Variants in MUC5B observed in about 807,000 individuals in gnomAD.
The protein encoded by MUC5B is mucin-5B.
In MUC5B, 116 loss-of-function variants were observed where a neutral mutation model predicts 376.9. That is an observed-to-expected ratio of 0.31 (90% CI 0.26 to 0.36). The LOEUF (loss-of-function observed/expected upper bound fraction) is 0.36, where lower values mean the gene tolerates loss of function less well. MUC5B is among the 10% of genes least tolerant of loss of function. MUC5B has a pLI of 1.00. For synonymous variants in MUC5B, 3,517 were observed against 3,390.9 expected, an observed-to-expected ratio of 1.04 and a Z score of -1.29; for missense variants, 7,165 against 7,769.9, an observed-to-expected ratio of 0.92 and a Z score of 2.93.
chr11:1,231,430 C>T lies in MUC5B; in HGVS notation c.1548C>T (p.Ile516=), dbSNP rs1195498625. 1.2e-6 allele frequency: 2 copies of T among 1,610,480 alleles called. No individual in the cohort carries two copies. The highest frequency in any genetic ancestry group is 8.5e-7 in the Non-Finnish European group (1 of 1,178,640). ...YTQLPLSAAN[I]TLFTPSSFFI... ...CCCCCACACTCCCGGCAGCCAACAT[C>T]ACCCTGTTCACACCCTCGAGCTTCT... The change falls in exon 14 of 49, where the codon ATC becomes ATT. Residue 516 remains isoleucine (I), a synonymous_variant. Transcript: ENST00000529681.
rs1372505531 is a variant in MUC5B at position 1,257,538 on chromosome 11, G to T, written c.16278G>T (p.Glu5426Asp). 6.2e-7 allele frequency: 1 copy of T among 1,608,490 alleles called. No individual in the cohort carries two copies. The highest frequency in any genetic ancestry group is 2.2e-5 in the East Asian group (1 of 44,844). Residue 5426 changes from glutamate (E) to aspartate (D), a missense_variant, in exon 41 of 49, where the codon GAG becomes GAT. Coordinates refer to ENST00000529681, the MANE Select transcript of MUC5B (RefSeq NM_002458.3). This position sits in a 1 kb window ranked among gnomAD's most constrained non-coding sequence, Gnocchi z 8.9. ...GPDGFPKFPG[E>D]RWVSNCQSCV... is the part of the protein sequence containing the mutation. ...CCCTTGATCCATTCCAGCCCGGGGA[G>T]CGGTGGGTCAGCAACTGCCAGTCCT...
rs767108519 is a variant in MUC5B, at chr11:1,241,161, C to T, written c.4281C>T (p.Cys1427=). The T allele has an allele frequency of 4.3e-5, 69 of 1,603,886 alleles. 2 individuals are homozygous for T. Among genetic ancestry groups the T allele is most frequent in the South Asian group, 3.6e-4 (32 of 89,520 alleles). Residue 1427 remains cysteine (C), a synonymous_variant, in exon 31 of 49, where the codon TGC becomes TGT. Coordinates refer to ENST00000529681, the MANE Select transcript of MUC5B (RefSeq NM_002458.3). ...CHDYELRVLC[C]EYVPCGPSPA... ...ACTACGAGCTGCGGGTTCTCTGCTGCGAATACGTGCCCTGTGGCCCCTCCC... is the reference window on the plus strand; with the variant it reads ...ACTACGAGCTGCGGGTTCTCTGCTGTGAATACGTGCCCTGTGGCCCCTCCC...
chr11:1,226,329 A>C, intron 3 of MUC5B, 53 bp downstream of exon 3: 1 of 1,537,932 alleles, frequency 6.5e-7, no homozygotes, highest in Non-Finnish European at 8.8e-7. Flanking sequence ...CCAGTCCCAA[A>C]GGTGGGGGCC....
chr11:1,223,261 C>A (rs770998212), intron 1 of MUC5B, 68 bp downstream of exon 1: 2 of 701,072 alleles, frequency 2.9e-6, no homozygotes, highest in South Asian at 3.0e-5. Context: ...AGGTCGCTTG[C>A]CTGGGAGCTT....
Position 1,255,279 on chromosome 11 carries a change from C to A in MUC5B, c.15890+13C>A, listed in dbSNP as rs777565525. 1.9e-5 allele frequency: 29 copies of A among 1,510,334 alleles called. No individual in the cohort carries two copies. The highest frequency in any genetic ancestry group is 2.5e-5 in the Non-Finnish European group (28 of 1,122,468). The allele number at this position is 1,510,334 out of a possible 1,614,324, so 93.6% of individuals were successfully genotyped here. On this transcript the variant is annotated intron_variant, in intron 36 of 48. Coordinates refer to ENST00000529681, the MANE Select transcript of MUC5B (RefSeq NM_002458.3). Reference sequence around the variant, plus strand: ...TGATGCTGAGCCAGTGAGTCCTCCCCTCGGGGGTTGCAGGCCCTGGGGCGC... The same window carrying A: ...TGATGCTGAGCCAGTGAGTCCTCCCATCGGGGGTTGCAGGCCCTGGGGCGC...
In MUC5B at chr11:1,246,868, C is replaced by T. The variant is rs1212079927; in HGVS notation, c.9988C>T (p.Pro3330Ser). The change falls in exon 31 of 49, where the codon CCT becomes TCT. Residue 3330 changes from proline to serine, a missense_variant. By Grantham distance (74) the Pro-to-Ser change is moderately conservative (BLOSUM62 -1). Around this residue, in one of 31 missense-constraint regions of MUC5B, gnomAD observed 939 missense variants for 770.6 expected, o/e 1.22. Transcript: ENST00000529681. Reference protein sequence around the residue: ...PSSSPGTALTPPVWISTTTTP... With the variant: ...PSSSPGTALTSPVWISTTTTP... Reference sequence around the variant, plus strand: ...CTCCAGCCCAGGGACGGCACTCACGCCTCCAGTGTGGATCAGCACAACCAC... The same window carrying T: ...CTCCAGCCCAGGGACGGCACTCACGTCTCCAGTGTGGATCAGCACAACCAC... The T allele has an allele frequency of 6.2e-7, 1 of 1,610,262 alleles. No individual in the cohort carries two copies. The highest frequency in any genetic ancestry group is 8.5e-7 in the Non-Finnish European group (1 of 1,178,100).
chr11:1,231,472 A>C lies in MUC5B; in HGVS notation c.1590A>C (p.Thr530=). The part of the protein sequence containing the change: ...TPSSFFIVVQ[T]GLGLQLLVQL... Reference sequence around the variant, plus strand: ...CGAGCTTCTTCATCGTGGTGCAGACAGGCCTGGGGCTGCAGCTGCTGGTGC... The same window carrying C: ...CGAGCTTCTTCATCGTGGTGCAGACCGGCCTGGGGCTGCAGCTGCTGGTGC... Residue 530 remains threonine (T), a synonymous_variant, in exon 14 of 49, where the codon ACA becomes ACC. Transcript: ENST00000529681. The C allele has an allele frequency of 6.2e-7, 1 of 1,611,598 alleles. No individual in the cohort carries two copies. Among genetic ancestry groups the C allele is most frequent in the Non-Finnish European group, 8.5e-7 (1 of 1,179,382 alleles).
chr11:1,251,313 C>T lies in MUC5B; in HGVS notation c.14433C>T (p.Ser4811=). 1.2e-6 allele frequency: 2 copies of T among 1,611,292 alleles called. No homozygotes were observed. Among genetic ancestry groups the T allele is most frequent in the Non-Finnish European group, 1.7e-6 (2 of 1,178,118 alleles). ...CCAATTCCACGGCCACACCCTCCTCCACTCTGGGGACGACCCGGATCCTCA... is the reference window on the plus strand; with the variant it reads ...CCAATTCCACGGCCACACCCTCCTCTACTCTGGGGACGACCCGGATCCTCA... The part of the protein sequence containing the change: ...RATNSTATPS[S]TLGTTRILTE... The change falls in exon 31 of 49, where the codon TCC becomes TCT. Residue 4811 remains serine (S), a synonymous_variant. Coordinates refer to ENST00000529681, the MANE Select transcript of MUC5B (RefSeq NM_002458.3).
intron 44 of MUC5B, chr11:1,259,470 G>A: frequency 1.8e-6 from 1 of 550,570 alleles, no homozygotes; most frequent in South Asian, 2.2e-5. Context: ...TATGAAGTAG[G>A]AGGATAACTG....
In MUC5B at chr11:1,258,869, T is replaced by A. The variant is rs56184523; in HGVS notation, c.16594-73T>A. The A allele has an allele frequency of 0.03, 45,382 of 1,536,426 alleles. 847 individuals carry two copies. Among genetic ancestry groups the A allele is most frequent in the Non-Finnish European group, 0.032 (36,976 of 1,139,820 alleles). On this transcript the variant is annotated intron_variant, in intron 43 of 48. Coordinates refer to ENST00000529681, the MANE Select transcript of MUC5B (RefSeq NM_002458.3). The surrounding 1 kb of genome is among the most constrained non-coding windows in gnomAD (Gnocchi z 5.5). ...AAGGAACAACTCCCTGCAGGCCCCATTGGGTCATGGGGAGGGGTCCTGGCC... is the reference window on the plus strand; with the variant it reads ...AAGGAACAACTCCCTGCAGGCCCCAATGGGTCATGGGGAGGGGTCCTGGCC...
At position 1,261,860 on chromosome 11, in the gene MUC5B, C is replaced by A; in HGVS notation, c.*252C>A. ...GCCTGTGGCCCACCTTGGCCTTGCC[C>A]CTCCCTGATGTCACTGGGACGCCCT... is the stretch of plus-strand genomic sequence containing the variant. On this transcript the variant is annotated 3_prime_UTR_variant, in exon 49 of 49. Coordinates refer to ENST00000529681, the MANE Select transcript of MUC5B (RefSeq NM_002458.3). 1 of 687,586 alleles carries A rather than the reference C, an allele frequency of 1.5e-6. No individual in the cohort carries two copies. Among genetic ancestry groups the A allele is most frequent in the Non-Finnish European group, 2.7e-6 (1 of 375,786 alleles). 42.6% of individuals were successfully genotyped at this position (687,586 alleles called of 1,614,324 possible).
Position 1,246,327 on chromosome 11 carries a change from C to A in MUC5B, c.9447C>A (p.Gly3149=), listed in dbSNP as rs759725645. Residue 3149 remains glycine, a synonymous_variant, in exon 31 of 49, where the codon GGC becomes GGA. Coordinates refer to ENST00000529681, the MANE Select transcript of MUC5B (RefSeq NM_002458.3). The stretch of plus-strand genomic sequence containing the variant: ...CAGCCACTACAACTGCAGCCACTGG[C>A]CCCACGGCCACCCCGTCCTCCACCC... ...TTAATTTAAT[G]PTATPSSTPG... 7.7e-5 allele frequency: 124 copies of A among 1,601,450 alleles called. 1 individual carries two copies. The highest frequency in any genetic ancestry group is 8.9e-5 in the Non-Finnish European group (104 of 1,171,822).
At chr11:1,239,292 C>A in intron 26 of MUC5B, 146 bp from the exon 27 acceptor site, 3 of 1,119,290 alleles carry the variant, frequency 2.7e-6, no homozygotes, top group Non-Finnish European at 3.7e-6. Flanking sequence ...AGGTGAGGCA[C>A]CACCCGGCCG....
At position 1,231,025 on chromosome 11, in the gene MUC5B, C is replaced by T. The variant is rs371107834; in HGVS notation, c.1540+20C>T. 8.9e-5 allele frequency: 140 copies of T among 1,572,398 alleles called. No individual in the cohort carries two copies. Among genetic ancestry groups the T allele is most frequent in the Non-Finnish European group, 1.1e-4 (133 of 1,159,356 alleles). ...CGGCAGGTATGTGGCTCTCCCAGGA[C>T]GGCCGGGCTGGGTGGCGCCTGCTTG... On this transcript the variant is annotated intron_variant, in intron 13 of 48. Transcript: ENST00000529681.
At chr11:1,226,387 C>T in intron 3 of MUC5B, 111 bp downstream of exon 3, 2 of 1,389,138 alleles carry the variant, frequency 1.4e-6, no homozygotes, top group South Asian at 2.5e-5. Flanking sequence ...TGGGCCAGAC[C>T]CAGAGTCCTC....
chr11:1,246,764 C>T lies in MUC5B; in HGVS notation c.9884C>T (p.Thr3295Ile). ...ACCAGGGCCACCGGCTCTGTGGCCACCCCCTCCTCCACCCCAGGAACAGCT... is the reference window on the plus strand; with the variant it reads ...ACCAGGGCCACCGGCTCTGTGGCCATCCCCTCCTCCACCCCAGGAACAGCT... ...TTTRATGSVA[T>I]PSSTPGTAHT... is the part of the protein sequence containing the mutation. Residue 3295 changes from threonine (T) to isoleucine (I), a missense_variant, in exon 31 of 49, where the codon ACC becomes ATC. Around this residue, in one of 31 missense-constraint regions of MUC5B, gnomAD observed 939 missense variants for 770.6 expected, o/e 1.22. Transcript: ENST00000529681. 1 of 1,609,620 alleles carries T rather than the reference C, an allele frequency of 6.2e-7. No homozygotes were observed. Among genetic ancestry groups the T allele is most frequent in the South Asian group, 1.1e-5 (1 of 90,908 alleles).
chr11:1,251,929 CGTCCGCACTGGCCACAATCA>C (rs1862712417), intron 31 of MUC5B, among the ~76,000 whole-genome samples, 186 bp downstream of exon 31: 1 of 151,368 alleles, frequency 6.6e-6, no homozygotes, highest in Non-Finnish European at 1.5e-5. Context: ...GGCCACAATC[CGTCCGCACTGGCCACAATCA>C]GTCCCCACTG....
rs1260353983 is a variant in MUC5B, at chr11:1,234,484, C to T, written c.2479-45C>T. On this transcript the variant is annotated intron_variant, in intron 20 of 48. Coordinates refer to ENST00000529681, the MANE Select transcript of MUC5B (RefSeq NM_002458.3). The surrounding 1 kb of genome is among the most constrained non-coding windows in gnomAD (Gnocchi z 6.3). Reference sequence around the variant, plus strand: ...TCCCAGAGGGTGAGTGACATCTGCCCACCCTGGTGTCCAGCCCTGACCGGT... The same window carrying T: ...TCCCAGAGGGTGAGTGACATCTGCCTACCCTGGTGTCCAGCCCTGACCGGT... 6.4e-7 allele frequency: 1 copy of T among 1,553,628 alleles called. No homozygotes were observed. The highest frequency in any genetic ancestry group is 8.7e-7 in the Non-Finnish European group (1 of 1,148,988).
At chr11:1,229,354 G>T in intron 9 of MUC5B, 59 bp downstream of exon 9, 2 of 1,463,684 alleles carry the variant, frequency 1.4e-6, no homozygotes, top group African/African-American at 1.4e-5. Flanking sequence ...TCCCAACCCC[G>T]CCCCCAGCCT....
Sources: gnomAD v4.1 joint callset for allele counts (sites outside exome capture counted in the v4.1 genomes callset) on GRCh38, gnomAD v4.1.1 for gene constraint, gnomAD v4.1.1 regional missense constraint, Gnocchi (gnomAD v3.1) non-coding constraint, MANE v1.5 for transcripts, NCBI Gene and HGNC (gene_info 2026-07-23, HGNC 2026-07-21) for gene names.